The following HS6ST3 variants were observed in gnomAD, a reference collection of about 807,000 sequenced individuals.
HS6ST3 encodes heparan-sulfate 6-O-sulfotransferase 3.
Under a neutral mutation model 36.7 loss-of-function variants are expected in HS6ST3, and 12 were observed. That is an observed-to-expected ratio of 0.33 (90% confidence interval 0.21 to 0.53). HS6ST3 has a LOEUF of 0.53. Among genes scored for constraint, HS6ST3 ranks in the 20% least tolerant of loss-of-function variants. The pLI, the probability that HS6ST3 is intolerant of heterozygous loss-of-function variation, is 0.95. For missense variants in HS6ST3, 584 were observed against 640.9 expected (o/e 0.91, Z 0.96); for synonymous variants, 240 against 257.5 (o/e 0.93, Z 0.65).
At chr13:96,683,233 G>A (rs897128640) in intron 1 of HS6ST3, among the ~76,000 whole-genome samples, 1 of 152,024 alleles carries the variant, frequency 6.6e-6, no homozygotes, top group African/African-American at 2.4e-5. Flanking sequence ...CATTAAATCT[G>A]TCTTATCTGT....
In HS6ST3 at chr13:96,805,202, G is replaced by A. The variant is rs1472536251; in HGVS notation, c.708-27288G>A. ...TCATCTTGAATTGCAATCCCCATGT[G>A]TCGGGGGAAGGGCCTGGTGGGAGGT... On this transcript the variant is annotated intron_variant, in intron 1 of 1. Transcript: ENST00000376705. 3.3e-5 allele frequency among the ~76,000 whole-genome samples: 5 copies of A among 152,122 alleles called. No individual in the cohort carries two copies. In the South Asian group the frequency reaches 8.3e-4, roughly 25 times the overall value.
intron 1 of HS6ST3, among the ~76,000 whole-genome samples, chr13:96,585,225 T>C (rs2056356455): frequency 2.0e-5 from 3 of 152,150 alleles, no homozygotes; most frequent in Admixed American, 2.0e-4. Flanking sequence ...TATAGAGGAC[T>C]TTTTTCTTCC....
At chr13:96,533,051 C>T (rs2056141896) in intron 1 of HS6ST3, among the ~76,000 whole-genome samples, 1 of 152,178 alleles carries the variant, frequency 6.6e-6, no homozygotes. Flanking sequence ...ACATAAGATG[C>T]ATACTTAATG....
Position 96,799,970 on chromosome 13 carries a change from ATATATATATATGTATATATATATATATG to A in HS6ST3, c.708-32508_708-32481del, listed in dbSNP as rs1566456802. Among the ~76,000 whole-genome samples, 215 of 92,596 alleles carry A rather than the reference ATATATATATATGTATATATATATATATG, an allele frequency of 2.3e-3. 6 individuals are homozygous for A. The highest frequency in any genetic ancestry group is 0.012 in the African/African-American group (206 of 17,464). 60.7% of individuals were successfully genotyped at this position (92,596 alleles called of 152,430 possible). On this transcript the variant is annotated intron_variant, in intron 1 of 1. Coordinates refer to ENST00000376705, the MANE Select transcript of HS6ST3 (RefSeq NM_153456.4). ...TATATATATATATATATATGTGTAT[ATATATATATATGTATATATATATATATG>A]TATATATATATATATGTATATATAT...
At chr13:96,151,447 C>A (rs1323871270) in intron 1 of HS6ST3, among the ~76,000 whole-genome samples, 1 of 148,862 alleles carries the variant, frequency 6.7e-6, no homozygotes, top group Non-Finnish European at 1.5e-5. Context: ...CAAAATAGTA[C>A]AAACAATGCA....
chr13:96,445,883 T>TA (rs1426776050), intron 1 of HS6ST3, among the ~76,000 whole-genome samples: 1 of 142,786 alleles, frequency 7.0e-6, no homozygotes, highest in African/African-American at 2.6e-5. Flanking sequence ...AAATGAAAAA[T>TA]AAAAAAATGC....
intron 1 of HS6ST3, among the ~76,000 whole-genome samples, chr13:96,348,623 A>C (rs548019536): frequency 9.2e-5 from 14 of 152,314 alleles, no homozygotes; most frequent in African/African-American, 3.1e-4. Flanking sequence ...TCACAGAGGT[A>C]CTTGAGCTTG....
At chr13:96,165,975 G>A (rs1370903475) in intron 1 of HS6ST3, among the ~76,000 whole-genome samples, 1 of 152,162 alleles carries the variant, frequency 6.6e-6, no homozygotes, top group Non-Finnish European at 1.5e-5. Flanking sequence ...CCAGAACACA[G>A]TCTGAACTCA....
At chr13:96,473,590 G>A (rs763951511) in intron 1 of HS6ST3, among the ~76,000 whole-genome samples, 1 of 152,116 alleles carries the variant, frequency 6.6e-6, no homozygotes, top group Admixed American at 6.6e-5. Flanking sequence ...CTGCTCAGGC[G>A]GCAGCTAGGT....
chr13:96,405,645 T>G (rs988990907), intron 1 of HS6ST3, among the ~76,000 whole-genome samples: 5 of 152,198 alleles, frequency 3.3e-5, no homozygotes, highest in African/African-American at 4.8e-5. Context: ...TTTTCTATAT[T>G]TTTTGCTGAT....
chr13:96,688,571 A>G (rs1377884228), intron 1 of HS6ST3, among the ~76,000 whole-genome samples: 2 of 152,082 alleles, frequency 1.3e-5, no homozygotes, highest in African/African-American at 2.4e-5. Flanking sequence ...CACTTGATAT[A>G]GAGCTTTATT....
chr13:96,211,267 T>A (rs1469218277), intron 1 of HS6ST3, among the ~76,000 whole-genome samples: 2 of 152,194 alleles, frequency 1.3e-5, no homozygotes, highest in African/African-American at 4.8e-5. Context: ...ATTATTTATT[T>A]AGCTGGTGAG....
At chr13:96,637,848 C>G (rs1272112042) in intron 1 of HS6ST3, among the ~76,000 whole-genome samples, 1 of 151,996 alleles carries the variant, frequency 6.6e-6, no homozygotes, top group Non-Finnish European at 1.5e-5. Context: ...TGTTTTGCTT[C>G]TTCATGGTGT....
chr13:96,504,750 C>T (rs1430793029), intron 1 of HS6ST3, among the ~76,000 whole-genome samples: 2 of 151,864 alleles, frequency 1.3e-5, no homozygotes, highest in South Asian at 2.1e-4. Flanking sequence ...AAATAAGTCT[C>T]GTTATATTAT....
chr13:96,120,523 A>G (rs1307460893), intron 1 of HS6ST3, among the ~76,000 whole-genome samples: 2 of 152,194 alleles, frequency 1.3e-5, no homozygotes, highest in African/African-American at 4.8e-5. Flanking sequence ...CCTTCAATTT[A>G]TTTCCTATAC....
chr13:96,242,171 TC>T (rs1427891076), intron 1 of HS6ST3, among the ~76,000 whole-genome samples: 3 of 151,874 alleles, frequency 2.0e-5, no homozygotes, highest in Non-Finnish European at 4.4e-5. Flanking sequence ...TCCCATTTCC[TC>T]CTTTCAACAG....
intron 1 of HS6ST3, among the ~76,000 whole-genome samples, chr13:96,122,207 A>G (rs996607563): frequency 1.3e-5 from 2 of 151,356 alleles, no homozygotes; most frequent in African/African-American, 4.9e-5. Flanking sequence ...CCAAAGTCAC[A>G]AAGATAGAAA....
chr13:96,747,852 C>T (rs1339054470), intron 1 of HS6ST3, among the ~76,000 whole-genome samples: 2 of 151,880 alleles, frequency 1.3e-5, no homozygotes, highest in Non-Finnish European at 2.9e-5. Flanking sequence ...TAGGGTGTTC[C>T]ATATGGGAAT....
chr13:96,211,341 T>TCACC (rs1346391354), intron 1 of HS6ST3, among the ~76,000 whole-genome samples: 1 of 152,332 alleles, frequency 6.6e-6, no homozygotes, highest in East Asian at 1.9e-4. Context: ...CAGTCTTGCC[T>TCACC]CACCCACCCA....
Sources: gnomAD v4.1 joint callset for allele counts (sites outside exome capture counted in the v4.1 genomes callset) on GRCh38, gnomAD v4.1.1 for gene constraint, MANE v1.5 for transcripts, NCBI Gene and HGNC (gene_info 2026-07-23, HGNC 2026-07-21) for gene names.